BABAM2: variants seen among roughly 807,000 people sequenced by gnomAD.
BABAM2 encodes the protein BRISC and BRCA1-A complex member 2.
In BABAM2, 31 loss-of-function variants were observed where a neutral mutation model predicts 54.7. That is an observed-to-expected ratio of 0.57 (90% CI 0.43 to 0.77). The LOEUF (loss-of-function observed/expected upper bound fraction) is 0.77, where lower values mean the gene tolerates loss of function less well. Among genes scored for constraint, BABAM2 ranks in the 30% least tolerant of loss-of-function variants. The pLI is 0.00. For missense variants in BABAM2, 364 were observed against 455.8 expected (o/e 0.80, Z 1.83); for synonymous variants, 167 against 162.9 (o/e 1.03, Z -0.19).
intron 3 of BABAM2, among the ~76,000 whole-genome samples, chr2:27,933,461 T>TA (rs35992690): frequency 6.6e-6 from 1 of 151,262 alleles, no homozygotes; most frequent in Non-Finnish European, 1.5e-5. Context: ...GTTTTTTTTT[T>TA]AAAAAACACA....
intron 2 of BABAM2, among the ~76,000 whole-genome samples, chr2:27,918,139 A>C (rs1667111094): frequency 6.6e-6 from 1 of 152,226 alleles, no homozygotes; most frequent in Non-Finnish European, 1.5e-5. Flanking sequence ...AATCATTTTT[A>C]AGCATACAGT....
chr2:28,053,013 G>C lies in BABAM2; in HGVS notation c.570+7214G>C, dbSNP rs78445837. 2.6e-5 allele frequency among the ~76,000 whole-genome samples: 4 copies of C among 152,266 alleles called. No homozygotes were observed. The East Asian group carries it at 7.7e-4, about 29-fold the overall frequency. ...GAAGCCCATTTAGCATTACATGTTT[G>C]CTAGAAAGGAAACTGGTAATTTCCC... is the stretch of plus-strand genomic sequence containing the variant. On this transcript the variant is annotated intron_variant, in intron 6 of 11. Coordinates refer to ENST00000379624, the MANE Select transcript of BABAM2 (RefSeq NM_199191.3).
intron 2 of BABAM2, among the ~76,000 whole-genome samples, chr2:27,908,779 T>C (rs964338565): frequency 6.6e-6 from 1 of 152,176 alleles, no homozygotes; most frequent in Non-Finnish European, 1.5e-5. Context: ...CTGCAAAGGA[T>C]GTGATTTCCT....
chr2:28,105,331 C>G (rs920193480), intron 6 of BABAM2, among the ~76,000 whole-genome samples: 1 of 152,050 alleles, frequency 6.6e-6, no homozygotes, highest in Non-Finnish European at 1.5e-5. Flanking sequence ...GTGAGAGAGT[C>G]CTAGTAAGAG....
At chr2:28,195,553 T>G (rs942115274) in intron 7 of BABAM2, among the ~76,000 whole-genome samples, 1 of 152,242 alleles carries the variant, frequency 6.6e-6, no homozygotes, top group African/African-American at 2.4e-5. Flanking sequence ...GGGAATGGTT[T>G]CCATCCTTTT....
rs142714268 is a variant in BABAM2 at position 28,067,783 on chromosome 2, G to A, written c.570+21984G>A. On this transcript the variant is annotated intron_variant, in intron 6 of 11. Transcript: ENST00000379624. Reference sequence around the variant, plus strand: ...CTAGAAATGAAGTGATCCACAGGTAGCAGTACAAACAGGAAGGAAGGGCAG... The same window carrying A: ...CTAGAAATGAAGTGATCCACAGGTAACAGTACAAACAGGAAGGAAGGGCAG... Among the ~76,000 whole-genome samples, 959 of 152,310 alleles carry A rather than the reference G, an allele frequency of 6.3e-3. 6 individuals carry two copies. The highest frequency in any genetic ancestry group is 7.8e-3 in the Non-Finnish European group (533 of 68,008).
At chr2:27,946,257 T>C (rs558297787) in intron 3 of BABAM2, among the ~76,000 whole-genome samples, 40 of 152,342 alleles carry the variant, frequency 2.6e-4, no homozygotes, top group African/African-American at 8.9e-4. Flanking sequence ...TTTTTTTCTC[T>C]GTCTACTTGG....
chr2:27,930,097 G>A (rs1239201758), intron 3 of BABAM2, 189 bp downstream of exon 3: 9 of 545,922 alleles, frequency 1.6e-5, no homozygotes, highest in Admixed American at 3.5e-5. Context: ...CAGGGAATAC[G>A]TTGTGGTTAA....
At chr2:28,072,429 A>G (rs1403589898) in intron 6 of BABAM2, among the ~76,000 whole-genome samples, 1 of 150,362 alleles carries the variant, frequency 6.7e-6, no homozygotes, top group Non-Finnish European at 1.5e-5. Flanking sequence ...TCTGTCACCC[A>G]GGCTGGAGTG....
At chr2:28,073,388 C>T (rs915844750) in intron 6 of BABAM2, among the ~76,000 whole-genome samples, 1 of 151,918 alleles carries the variant, frequency 6.6e-6, no homozygotes, top group African/African-American at 2.4e-5. Context: ...GTCCCAGCTA[C>T]TCAAGAGGCT....
chr2:28,260,592 G>A (rs746731139), intron 10 of BABAM2, among the ~76,000 whole-genome samples: 10 of 152,184 alleles, frequency 6.6e-5, no homozygotes, highest in East Asian at 3.9e-4. Flanking sequence ...GTGAGGCAGC[G>A]CATCCAGCCA....
At chr2:28,058,519 G>T (rs967155311) in intron 6 of BABAM2, among the ~76,000 whole-genome samples, 1 of 151,516 alleles carries the variant, frequency 6.6e-6, no homozygotes, top group African/African-American at 2.4e-5. Context: ...TTCAGGTGAT[G>T]CATGTTTTAG....
At chr2:28,126,191 G>T (rs1669510109) in intron 6 of BABAM2, among the ~76,000 whole-genome samples, 1 of 151,546 alleles carries the variant, frequency 6.6e-6, no homozygotes, top group African/African-American at 2.4e-5. Context: ...TGTGCACAAT[G>T]TGCAGGTTAG....
At chr2:28,192,445 TAA>T (rs61354708) in intron 7 of BABAM2, among the ~76,000 whole-genome samples, 81,668 of 145,696 alleles carry the variant, frequency 0.56, 23,135 homozygotes, top group Middle Eastern at 0.66. Context: ...TAAAGTATAA[TAA>T]AAAAAAAAAT....
chr2:28,039,365 G>A (rs924478632), intron 5 of BABAM2, among the ~76,000 whole-genome samples: 2 of 152,164 alleles, frequency 1.3e-5, no homozygotes, highest in Admixed American at 6.5e-5. Flanking sequence ...AAAACATTTT[G>A]TAAATTATAA....
chr2:28,128,662 T>G (rs1205221017), intron 6 of BABAM2, among the ~76,000 whole-genome samples: 1 of 152,238 alleles, frequency 6.6e-6, no homozygotes, highest in African/African-American at 2.4e-5. Context: ...GGTACATACT[T>G]GGATCAACAA....
At chr2:28,259,074 CTTTTTTT>C (rs70956009) in intron 10 of BABAM2, among the ~76,000 whole-genome samples, 5 of 23,440 alleles carry the variant, frequency 2.1e-4, no homozygotes, top group African/African-American at 7.1e-4. Context: ...TGCACCTGGC[CTTTTTTT>C]TTTTTTTTTT....
At chr2:28,042,770 A>T (rs1053463634) in intron 5 of BABAM2, among the ~76,000 whole-genome samples, 9 of 152,192 alleles carry the variant, frequency 5.9e-5, no homozygotes, top group Non-Finnish European at 1.0e-4. Flanking sequence ...GAAACATTTT[A>T]AAAATGATGT....
At chr2:28,238,777 C>T (rs774273244) in intron 8 of BABAM2, among the ~76,000 whole-genome samples, 28 of 152,132 alleles carry the variant, frequency 1.8e-4, no homozygotes, top group African/African-American at 3.6e-4. Context: ...TCTTCTAGAA[C>T]GGAGAAGAAA....
Sources: gnomAD v4.1 joint callset for allele counts (sites outside exome capture counted in the v4.1 genomes callset) on GRCh38, gnomAD v4.1.1 for gene constraint, MANE v1.5 for transcripts, NCBI Gene and HGNC (gene_info 2026-07-23, HGNC 2026-07-21) for gene names.